The following NDUFAF2 variants were observed in gnomAD, a reference collection of about 807,000 sequenced individuals.
NDUFAF2 encodes the protein NADH dehydrogenase [ubiquinone] 1 alpha subcomplex assembly factor 2.
NDUFAF2 carries 13 observed loss-of-function variants against 22.8 expected under a neutral mutation model. That is an observed-to-expected ratio of 0.57 (90% CI 0.37 to 0.91). The LOEUF (loss-of-function observed/expected upper bound fraction) is 0.91, where lower values mean the gene tolerates loss of function less well. Among genes scored for constraint, NDUFAF2 ranks in the 40% least tolerant of loss-of-function variants. NDUFAF2 has a pLI of 0.01. For synonymous variants in NDUFAF2, 53 were observed against 64.2 expected (o/e 0.83, Z 0.84); for missense variants, 162 against 195.2 (o/e 0.83, Z 1.01).
intron 3 of NDUFAF2, among the ~76,000 whole-genome samples, chr5:61,113,512 G>GACCCAGTGGGAGGT (rs1283055488): frequency 2.7e-4 from 41 of 152,102 alleles, no homozygotes; most frequent in Admixed American, 9.2e-4. Context: ...TTGTGGGAGG[G>GACCCAGTGGGAGGT]ACCCAGTGGG....
intron 2 of NDUFAF2, among the ~76,000 whole-genome samples, chr5:61,094,119 C>A (rs1223527663): frequency 6.6e-6 from 1 of 152,148 alleles, no homozygotes; most frequent in Non-Finnish European, 1.5e-5. Context: ...CTTTTAGATA[C>A]ACCAATCAAT....
chr5:61,029,599 A>C (rs1268865333), intron 1 of NDUFAF2, among the ~76,000 whole-genome samples: 2 of 152,066 alleles, frequency 1.3e-5, no homozygotes, highest in Admixed American at 1.3e-4. Context: ...TGTGCTCTGA[A>C]ATTTTTTGAA....
intron 1 of NDUFAF2, among the ~76,000 whole-genome samples, chr5:60,949,049 TA>T (rs1458756858): frequency 6.6e-6 from 1 of 152,212 alleles, no homozygotes; most frequent in Non-Finnish European, 1.5e-5. Flanking sequence ...TTGGTTTTTT[TA>T]GATTCTATTT....
chr5:60,978,833 C>T (rs1750937433), intron 1 of NDUFAF2, among the ~76,000 whole-genome samples: 1 of 152,094 alleles, frequency 6.6e-6, no homozygotes, highest in Non-Finnish European at 1.5e-5. Flanking sequence ...GCTGGGATGC[C>T]CAAGTGAGTG....
Position 61,106,036 on chromosome 5 carries a change from G to T in NDUFAF2, c.258+7004G>T, listed in dbSNP as rs148713029. ...AGTTTAAGCTCGCACTAAAAACAAT[G>T]ACCTAGTTAAAAATCCGTTTAAGAA... On this transcript the variant is annotated intron_variant, in intron 3 of 3. Coordinates refer to ENST00000296597, the MANE Select transcript of NDUFAF2 (RefSeq NM_174889.5). 5.0e-4 allele frequency among the ~76,000 whole-genome samples: 75 copies of T among 151,510 alleles called. 6 individuals carry two copies. Among genetic ancestry groups the T allele is most frequent in the African/African-American group, 1.8e-3 (75 of 40,888 alleles).
chr5:61,139,434 G>C (rs555113123), intron 3 of NDUFAF2, among the ~76,000 whole-genome samples: 23 of 152,306 alleles, frequency 1.5e-4, no homozygotes, highest in African/African-American at 5.1e-4. Context: ...GTAAGTCAGG[G>C]ACCGTCTGTA....
At chr5:60,962,291 CTT>C (rs1047778181) in intron 1 of NDUFAF2, among the ~76,000 whole-genome samples, 1 of 151,542 alleles carries the variant, frequency 6.6e-6, no homozygotes, top group African/African-American at 2.4e-5. Flanking sequence ...ACAAAAGTGA[CTT>C]TTTTTGCAAA....
chr5:61,073,009 T>C, intron 1 of NDUFAF2, 116 bp from the exon 2 acceptor site: 1 of 700,776 alleles, frequency 1.4e-6, no homozygotes, highest in Non-Finnish European at 2.5e-6. Context: ...ATTCTCGTTT[T>C]CCTGTTAATT....
chr5:61,135,090 A>G (rs1740903341), intron 3 of NDUFAF2, among the ~76,000 whole-genome samples: 1 of 151,892 alleles, frequency 6.6e-6, no homozygotes, highest in African/African-American at 2.4e-5. Context: ...AACCTACAAT[A>G]TTAAATTTGA....
intron 2 of NDUFAF2, among the ~76,000 whole-genome samples, chr5:61,082,693 A>C (rs1359543368): frequency 6.6e-6 from 1 of 152,160 alleles, no homozygotes; most frequent in Non-Finnish European, 1.5e-5. Flanking sequence ...GCTGCAAAGG[A>C]CATAACTTCA....
chr5:61,087,212 G>A (rs1460478251), intron 2 of NDUFAF2, among the ~76,000 whole-genome samples: 1 of 152,026 alleles, frequency 6.6e-6, no homozygotes, highest in African/African-American at 2.4e-5. Context: ...AAGTCATATG[G>A]GTACACATTG....
chr5:60,952,579 T>C (rs1208550371), intron 1 of NDUFAF2, among the ~76,000 whole-genome samples: 1 of 152,130 alleles, frequency 6.6e-6, no homozygotes, highest in Non-Finnish European at 1.5e-5. Flanking sequence ...TTAAATGTAT[T>C]GTAAATTGTT....
At chr5:60,978,361 T>A (rs1458765065) in intron 1 of NDUFAF2, among the ~76,000 whole-genome samples, 1 of 152,158 alleles carries the variant, frequency 6.6e-6, no homozygotes. Context: ...CTGGGTAATT[T>A]ATGGAGAAAA....
At chr5:61,061,741 C>T (rs980398770) in intron 1 of NDUFAF2, among the ~76,000 whole-genome samples, 3 of 152,194 alleles carry the variant, frequency 2.0e-5, no homozygotes, top group Admixed American at 2.0e-4. Context: ...AGCATCTGTG[C>T]TCTGGATCCC....
intron 1 of NDUFAF2, among the ~76,000 whole-genome samples, chr5:61,069,418 A>G (rs1168776373): frequency 2.0e-5 from 3 of 152,206 alleles, no homozygotes; most frequent in African/African-American, 7.2e-5. Context: ...TAGATGACAC[A>G]AAGACAACCC....
At chr5:61,042,449 G>A (rs1265306280) in intron 1 of NDUFAF2, among the ~76,000 whole-genome samples, 1 of 152,090 alleles carries the variant, frequency 6.6e-6, no homozygotes, top group African/African-American at 2.4e-5. Flanking sequence ...GTATTTGTGT[G>A]TAATATATAT....
intron 3 of NDUFAF2, among the ~76,000 whole-genome samples, chr5:61,104,382 A>G (rs558576328): frequency 3.0e-4 from 46 of 152,198 alleles, no homozygotes; most frequent in African/African-American, 1.1e-3. Flanking sequence ...GACAAATTAT[A>G]TGGTTTATTA....
At chr5:61,030,695 T>C (rs1751711768) in intron 1 of NDUFAF2, among the ~76,000 whole-genome samples, 1 of 152,140 alleles carries the variant, frequency 6.6e-6, no homozygotes, top group African/African-American at 2.4e-5. Flanking sequence ...AGAGATGTTA[T>C]GTAATGTCTG....
intron 2 of NDUFAF2, 21 bp downstream of exon 2, chr5:61,073,235 G>C: frequency 6.6e-7 from 1 of 1,506,292 alleles, no homozygotes; most frequent in Non-Finnish European, 9.2e-7. Flanking sequence ...GCTTTTAGTA[G>C]AATCTCATGG....
Sources: gnomAD v4.1 joint callset for allele counts (sites outside exome capture counted in the v4.1 genomes callset) on GRCh38, gnomAD v4.1.1 for gene constraint, MANE v1.5 for transcripts, NCBI Gene and HGNC (gene_info 2026-07-23, HGNC 2026-07-21) for gene names.